The following SAMSN1 variants were observed in gnomAD, a reference collection of about 807,000 sequenced individuals.
SAMSN1 encodes SAM domain-containing protein SAMSN-1.
SAMSN1 carries 31 observed loss-of-function variants against 42.0 expected under a neutral mutation model. That is an observed-to-expected ratio of 0.74 (90% CI 0.55 to 1.00). The LOEUF is 1.00. Among genes scored for constraint, SAMSN1 ranks in the 50% least tolerant of loss-of-function variants. The pLI is 0.00. For synonymous variants in SAMSN1, 178 were observed against 151.9 expected, an observed-to-expected ratio of 1.17 and a Z score of -1.26; for missense variants, 464 against 439.4, an observed-to-expected ratio of 1.06 and a Z score of -0.50.
chr21:14,641,440 A>G (rs1983595595), intron 2 of SAMSN1, among the ~76,000 whole-genome samples: 3 of 152,168 alleles, frequency 2.0e-5, no homozygotes, highest in Admixed American at 1.3e-4. Flanking sequence ...CAAAACTTAA[A>G]AGTAATTTGT....
At chr21:14,588,306 C>G (rs1600947791), upstream of SAMSN1, among the ~76,000 whole-genome samples, 1 of 119,334 alleles carries the variant, frequency 8.4e-6, no homozygotes, top group African/African-American at 2.8e-5. Context: ...GTTCTAGATC[C>G]CTGAGGAATC....
intron 2 of SAMSN1, among the ~76,000 whole-genome samples, chr21:14,633,575 T>C (rs1329609289): frequency 6.6e-6 from 1 of 152,192 alleles, no homozygotes; most frequent in Non-Finnish European, 1.5e-5. Context: ...TTATCCCAAG[T>C]TGAAAGTGGA....
chr21:14,547,532 T>C (rs1980454175), upstream of SAMSN1, among the ~76,000 whole-genome samples: 1 of 152,184 alleles, frequency 6.6e-6, no homozygotes, highest in Non-Finnish European at 1.5e-5. Flanking sequence ...CTGGTTCCAT[T>C]TGAGCAACCC....
chr21:14,601,636 A>G (rs1404079718), intron 6 of SAMSN1, among the ~76,000 whole-genome samples: 1 of 152,152 alleles, frequency 6.6e-6, no homozygotes, highest in South Asian at 2.1e-4. Context: ...TTTTTTAATT[A>G]TCCAAACTCC....
At chr21:14,619,301 C>T (rs1476289064) in intron 2 of SAMSN1, among the ~76,000 whole-genome samples, 2 of 152,124 alleles carry the variant, frequency 1.3e-5, no homozygotes, top group Non-Finnish European at 2.9e-5. Context: ...GTTGTTGTTG[C>T]CTAGCTAATG....
chr21:14,604,395 T>G (rs1982513081), intron 5 of SAMSN1, among the ~76,000 whole-genome samples: 1 of 152,080 alleles, frequency 6.6e-6, no homozygotes, highest in East Asian at 1.9e-4. Context: ...GGAAGTAATA[T>G]TTTGTGACTT....
At chr21:14,500,863 TA>T (rs1397588882) in intron 5 of SAMSN1, 128 bp from the exon 6 acceptor site, 2 of 754,698 alleles carry the variant, frequency 2.7e-6, no homozygotes, top group African/African-American at 3.5e-5. Flanking sequence ...GAAACAAATC[TA>T]AACATTCACT....
chr21:14,574,094 C>T (rs1981387676), intron 2 of SAMSN1, among the ~76,000 whole-genome samples: 1 of 152,090 alleles, frequency 6.6e-6, no homozygotes, highest in African/African-American at 2.4e-5. Flanking sequence ...GATTGATGTC[C>T]AGCTTTGGTG....
chr21:14,602,020 T>C, intron 6 of SAMSN1: 1 of 687,878 alleles, frequency 1.5e-6, no homozygotes, highest in Non-Finnish European at 2.7e-6. Flanking sequence ...TTATTCACAT[T>C]ACCTGATAGG....
chr21:14,535,121 T>C (rs1009133502), intron 1 of SAMSN1, among the ~76,000 whole-genome samples: 2 of 152,198 alleles, frequency 1.3e-5, no homozygotes, highest in African/African-American at 4.8e-5. Context: ...CCAGAAGATC[T>C]GGTATTAGGG....
At chr21:14,639,994 A>G (rs1052349300) in intron 2 of SAMSN1, among the ~76,000 whole-genome samples, 3 of 152,194 alleles carry the variant, frequency 2.0e-5, no homozygotes, top group African/African-American at 7.2e-5. Flanking sequence ...GATGTATGAT[A>G]TTCTTCATTT....
chr21:14,554,102 C>T (rs1980682588), intron 2 of SAMSN1, among the ~76,000 whole-genome samples: 1 of 152,126 alleles, frequency 6.6e-6, no homozygotes, highest in Admixed American at 6.6e-5. Context: ...ATAATAAATA[C>T]AATAAATATT....
At chr21:14,507,654 C>T (rs1987474743) in intron 5 of SAMSN1, among the ~76,000 whole-genome samples, 1 of 151,902 alleles carries the variant, frequency 6.6e-6, no homozygotes, top group Non-Finnish European at 1.5e-5. Context: ...AACAGATTTC[C>T]CATCAAAATA....
chr21:14,568,195 C>T (rs1038739229), intron 2 of SAMSN1, among the ~76,000 whole-genome samples: 2 of 152,130 alleles, frequency 1.3e-5, no homozygotes, highest in African/African-American at 4.8e-5. Context: ...GAAAACATTA[C>T]ATGAAGTGAT....
intron 2 of SAMSN1, among the ~76,000 whole-genome samples, chr21:14,639,558 A>G (rs1339787507): frequency 2.6e-5 from 4 of 152,186 alleles, no homozygotes; most frequent in African/African-American, 7.2e-5. Flanking sequence ...ATATGATTGC[A>G]CTGGGGATTA....
intron 2 of SAMSN1, among the ~76,000 whole-genome samples, chr21:14,618,691 T>TGTGC (rs1205308139): frequency 1.9e-4 from 3 of 15,764 alleles, no homozygotes; most frequent in East Asian, 2.2e-3. Flanking sequence ...TGTGTGTGTG[T>TGTGC]GCGCGCGCGC....
At chr21:14,557,349 C>A (rs1277765837) in intron 2 of SAMSN1, among the ~76,000 whole-genome samples, 2 of 152,162 alleles carry the variant, frequency 1.3e-5, no homozygotes, top group African/African-American at 4.8e-5. Flanking sequence ...TATAAAATTC[C>A]TGACACAGAG....
chr21:14,577,282 A>T (rs1288462917), intron 2 of SAMSN1, among the ~76,000 whole-genome samples: 9,930 of 50,380 alleles, frequency 0.2, 1,444 homozygotes, highest in African/African-American at 0.39. Context: ...ATATATATAT[A>T]TATTTTTTTT....
intron 2 of SAMSN1, among the ~76,000 whole-genome samples, chr21:14,577,238 G>GTATA (rs767931839): frequency 0.02 from 549 of 28,054 alleles, 15 homozygotes; most frequent in Non-Finnish European, 0.023. Context: ...ATATATGTGT[G>GTATA]TATATATATA....
Sources: gnomAD v4.1 joint callset for allele counts (sites outside exome capture counted in the v4.1 genomes callset) on GRCh38, gnomAD v4.1.1 for gene constraint, MANE v1.5 for transcripts, NCBI Gene and HGNC (gene_info 2026-07-23, HGNC 2026-07-21) for gene names.